Variants in TNRC18 observed in about 807,000 individuals in gnomAD.
TNRC18 encodes the protein trinucleotide repeat containing 18.
A neutral mutation model predicts 226.7 loss-of-function variants in TNRC18; 69 were observed. That is an observed-to-expected ratio of 0.30 (90% CI 0.25 to 0.37). TNRC18 has a LOEUF of 0.37. Ranked by LOEUF, TNRC18 falls within the 10% of genes least tolerant of loss-of-function variation. TNRC18 has a pLI of 1.00. For missense variants in TNRC18, 4,754 were observed against 4,256.6 expected, an observed-to-expected ratio of 1.12 and a Z score of -3.25; for synonymous variants, 2,449 against 1,927.6, an observed-to-expected ratio of 1.27 and a Z score of -7.09.
At chr7:5,386,611 G>A (rs969848366) in intron 5 of TNRC18, among the ~76,000 whole-genome samples, 5 of 151,758 alleles carry the variant, frequency 3.3e-5, no homozygotes, top group South Asian at 2.1e-4. Flanking sequence ...TTAGTCGGGC[G>A]TGGTGGCGCA....
intron 2 of TNRC18, 38 bp downstream of exon 2, chr7:5,421,022 G>C: frequency 2.6e-6 from 4 of 1,540,148 alleles, no homozygotes; most frequent in Non-Finnish European, 3.5e-6. Flanking sequence ...ATCTCCCTGG[G>C]AAGACAGGAG....
At position 5,387,678 on chromosome 7, in the gene TNRC18, C is replaced by T. The variant is rs1193720018; in HGVS notation, c.2146G>A (p.Val716Ile). 6.2e-7 allele frequency: 1 copy of T among 1,603,890 alleles called. No homozygotes were observed. ...DQERSLSLSN[V>I]KGHGRADEDC... ...GGCTCTGCCCAGGACCTACCTTTGA[C>T]GTTACTCAGCGACAGAGAGCGCTCC... Residue 716 changes from valine to isoleucine, a missense_variant, in exon 5 of 30, where the codon GTC becomes ATC. Val to Ile is a conservative substitution (Grantham distance 29). Coordinates refer to ENST00000430969, the MANE Select transcript of TNRC18 (RefSeq NM_001080495.3).
intron 3 of TNRC18, among the ~76,000 whole-genome samples, chr7:5,393,519 G>A (rs1780448233): frequency 6.6e-6 from 1 of 152,198 alleles, no homozygotes; most frequent in Non-Finnish European, 1.5e-5. Flanking sequence ...GAGGGAGAGT[G>A]GCTGGGGAGG....
At position 5,388,036 on chromosome 7, in the gene TNRC18, G is replaced by A. The variant is rs775140352; in HGVS notation, c.1788C>T (p.Ala596=). ...QSLIKYSGSF[A]RDAVAVRPGG... ...CAGGGCGCACGGCCACGGCGTCCCG[G>A]GCAAAGCTGCCACTGTACTTTATAA... is the stretch of plus-strand genomic sequence containing the variant. The change falls in exon 5 of 30, where the codon GCC becomes GCT. Residue 596 remains alanine, a synonymous_variant. Transcript: ENST00000430969. The A allele has an allele frequency of 6.4e-7, 1 of 1,564,054 alleles. No individual in the cohort carries two copies. Among genetic ancestry groups the A allele is most frequent in the South Asian group, 1.2e-5 (1 of 85,402 alleles).
At chr7:5,396,909 C>A (rs1269303876) in intron 2 of TNRC18, among the ~76,000 whole-genome samples, 1 of 152,312 alleles carries the variant, frequency 6.6e-6, no homozygotes, top group South Asian at 2.1e-4. Flanking sequence ...GCTCACTGAC[C>A]GCCTCCCAGG....
At chr7:5,390,457 C>T in intron 4 of TNRC18, 28 bp downstream of exon 4, 1 of 1,613,176 alleles carries the variant, frequency 6.2e-7, no homozygotes, top group South Asian at 1.1e-5. Context: ...GCCCCTGTGC[C>T]ACCCCCAACC....
At chr7:5,344,600 C>T (rs533032191) in intron 18 of TNRC18, among the ~76,000 whole-genome samples, 39 of 152,268 alleles carry the variant, frequency 2.6e-4, no homozygotes, top group Non-Finnish European at 4.3e-4. Flanking sequence ...GCTGGGGGGC[C>T]TTCAGGGGCA....
chr7:5,390,310 G>C (rs2128197146), intron 4 of TNRC18, 175 bp downstream of exon 4: 1 of 683,674 alleles, frequency 1.5e-6, no homozygotes, highest in South Asian at 2.1e-5. Flanking sequence ...AGTGACCTAT[G>C]ATCGCACCAC....
intron 27 of TNRC18, among the ~76,000 whole-genome samples, chr7:5,311,871 A>G (rs1353993702): frequency 1.3e-5 from 2 of 150,672 alleles, no homozygotes; most frequent in Non-Finnish European, 3.0e-5. Flanking sequence ...GGTGGCTCAC[A>G]CCTGTAATCC....
intron 2 of TNRC18, among the ~76,000 whole-genome samples, chr7:5,401,263 G>A (rs978767679): frequency 2.0e-5 from 3 of 151,874 alleles, no homozygotes; most frequent in African/African-American, 4.8e-5. Flanking sequence ...GATCATGATA[G>A]GGATATAAGT....
In TNRC18 at chr7:5,319,030, C is replaced by T. The variant is rs149982252; in HGVS notation, c.6745+1288G>A. ...TTCCCAGGATGAGGGACAGGGAAGG[C>T]CCAAGAATCCAGAATGATACCCATG... On this transcript the variant is annotated intron_variant, in intron 24 of 29. Coordinates refer to ENST00000430969, the MANE Select transcript of TNRC18 (RefSeq NM_001080495.3). 5.4e-4 allele frequency among the ~76,000 whole-genome samples: 82 copies of T among 152,296 alleles called. 1 individual carries two copies. The highest frequency in any genetic ancestry group is 4.2e-3 in the East Asian group (22 of 5,186).
intron 10 of TNRC18, among the ~76,000 whole-genome samples, chr7:5,372,181 C>G (rs1794218056): frequency 6.6e-6 from 1 of 152,044 alleles, no homozygotes; most frequent in Non-Finnish European, 1.5e-5. Context: ...CCTTCTCCTA[C>G]CTCACCCTCC....
chr7:5,340,842 C>T (rs1321716019), intron 18 of TNRC18, among the ~76,000 whole-genome samples: 1 of 152,062 alleles, frequency 6.6e-6, no homozygotes, highest in African/African-American at 2.4e-5. Flanking sequence ...GCGAGTTCTC[C>T]AGAAGATCCA....
intron 2 of TNRC18, among the ~76,000 whole-genome samples, chr7:5,402,166 G>C (rs36094118): frequency 0.27 from 36,151 of 133,002 alleles, 5,732 homozygotes; most frequent in South Asian, 0.34. Context: ...GCAACACAGC[G>C]AGACTCTGTC....
At chr7:5,344,592 T>C (rs1274194270) in intron 18 of TNRC18, among the ~76,000 whole-genome samples, 5 of 152,082 alleles carry the variant, frequency 3.3e-5, no homozygotes, top group Admixed American at 1.3e-4. Flanking sequence ...CAGGGGCAGC[T>C]GGGGGGCCTT....
chr7:5,412,622 C>G (rs935516460), intron 2 of TNRC18, among the ~76,000 whole-genome samples: 2 of 152,042 alleles, frequency 1.3e-5, no homozygotes, highest in Non-Finnish European at 2.9e-5. Context: ...TAAAAACAAA[C>G]CTCACAACCA....
chr7:5,397,052 C>T (rs114144609), intron 2 of TNRC18, among the ~76,000 whole-genome samples: 2,480 of 152,270 alleles, frequency 0.016, 68 homozygotes, highest in African/African-American at 0.058. Context: ...TGCCCTCGGG[C>T]CACACGCCAT....
chr7:5,374,157 G>T lies in TNRC18; in HGVS notation c.3127C>A (p.Pro1043Thr), dbSNP rs1794408218. Residue 1043 changes from proline to threonine, a missense_variant, in exon 10 of 30, where the codon CCG becomes ACG. Transcript: ENST00000430969. ...SPPPASPPPT[P>T]GITRKEEAPE... is the part of the protein sequence containing the mutation. ...GCCTCCTCCTTGCGGGTGATACCCG[G>T]GGTGGGCGGTGGGGAGGCGGGCGGC... The T allele has an allele frequency of 6.6e-7, 1 of 1,508,506 alleles. No individual in the cohort carries two copies. Among genetic ancestry groups the T allele is most frequent in the South Asian group, 1.3e-5 (1 of 76,062 alleles). 93.4% of individuals were successfully genotyped at this position (1,508,506 alleles called of 1,614,324 possible).
Position 5,371,009 on chromosome 7 carries a change from A to G in TNRC18, c.3585T>C (p.Gly1195=), listed in dbSNP as rs760825765. 6.2e-6 allele frequency: 10 copies of G among 1,606,974 alleles called. No individual in the cohort carries two copies. In the African/African-American group the frequency reaches 1.1e-4, roughly 17 times the overall value. Reference sequence around the variant, plus strand: ...GGGCCTCCAACAGGCCACCTCCACAACCCCCTGCAGGGCTGGGGGTAGCCA... The same window carrying G: ...GGGCCTCCAACAGGCCACCTCCACAGCCCCCTGCAGGGCTGGGGGTAGCCA... The part of the protein sequence containing the change: ...EAMATPSPAG[G]CGGGLLEAQA... The change falls in exon 11 of 30, where the codon GGT becomes GGC. Residue 1195 remains glycine, a synonymous_variant. Coordinates refer to ENST00000430969, the MANE Select transcript of TNRC18 (RefSeq NM_001080495.3).
Sources: gnomAD v4.1 joint callset for allele counts (sites outside exome capture counted in the v4.1 genomes callset) on GRCh38, gnomAD v4.1.1 for gene constraint, MANE v1.5 for transcripts, NCBI Gene and HGNC (gene_info 2026-07-23, HGNC 2026-07-21) for gene names.